NKAIN3: variants seen among roughly 807,000 people sequenced by gnomAD.
NKAIN3 encodes sodium/potassium-transporting ATPase subunit beta-1-interacting protein 3.
A neutral mutation model predicts 30.2 loss-of-function variants in NKAIN3; 25 were observed. The ratio of observed to expected loss-of-function variants is 0.83; its 90% confidence interval spans 0.60 to 1.16. The LOEUF is 1.16. Among genes scored for constraint, NKAIN3 ranks in the 50% most tolerant of loss-of-function variants. NKAIN3 has a pLI of 0.00. For synonymous variants in NKAIN3, 91 were observed against 89.6 expected, an observed-to-expected ratio of 1.02 and a Z score of -0.09; for missense variants, 225 against 254.1, an observed-to-expected ratio of 0.89 and a Z score of 0.78.
At chr8:62,528,311 AT>A (rs1364847492) in intron 1 of NKAIN3, among the ~76,000 whole-genome samples, 12 of 96,540 alleles carry the variant, frequency 1.2e-4, no homozygotes, top group Admixed American at 2.6e-4. Flanking sequence ...TATATTATAT[AT>A]ATATATTATA....
intron 3 of NKAIN3, among the ~76,000 whole-genome samples, chr8:62,727,017 T>C (rs914122986): frequency 6.6e-6 from 1 of 152,082 alleles, no homozygotes; most frequent in African/African-American, 2.4e-5. Flanking sequence ...CCAAGTGGGA[T>C]TTATTGCATG....
chr8:62,838,153 A>G (rs28505837), intron 4 of NKAIN3, among the ~76,000 whole-genome samples: 4,166 of 101,976 alleles, frequency 0.041, 168 homozygotes, highest in African/African-American at 0.13. Flanking sequence ...GTGTGTGTGT[A>G]TATAAAATGA....
intron 3 of NKAIN3, among the ~76,000 whole-genome samples, chr8:62,708,420 T>G (rs1355586099): frequency 6.6e-6 from 1 of 152,168 alleles, no homozygotes; most frequent in Non-Finnish European, 1.5e-5. Flanking sequence ...TTTGTAATTT[T>G]CTTCATAGAA....
intron 5 of NKAIN3, among the ~76,000 whole-genome samples, chr8:62,952,127 G>A (rs1351381027): frequency 1.3e-5 from 2 of 152,010 alleles, no homozygotes; most frequent in Non-Finnish European, 2.9e-5. Flanking sequence ...TGTTCATTCT[G>A]TCCAAGGTAA....
At chr8:62,548,982 A>G (rs1313235202) in intron 1 of NKAIN3, among the ~76,000 whole-genome samples, 1 of 152,176 alleles carries the variant, frequency 6.6e-6, no homozygotes, top group Non-Finnish European at 1.5e-5. Flanking sequence ...ATCATTAGGT[A>G]TCATTCTTGC....
At chr8:62,713,630 C>T (rs1266999799) in intron 3 of NKAIN3, among the ~76,000 whole-genome samples, 1 of 152,096 alleles carries the variant, frequency 6.6e-6, no homozygotes, top group African/African-American at 2.4e-5. Flanking sequence ...AACTGGACAT[C>T]ATTCAATTAG....
intron 1 of NKAIN3, among the ~76,000 whole-genome samples, chr8:62,525,687 C>T (rs908624261): frequency 2.0e-5 from 3 of 152,124 alleles, no homozygotes; most frequent in Non-Finnish European, 4.4e-5. Context: ...TCTGGGCATA[C>T]TCAGCTTATA....
chr8:62,302,321 G>A (rs2129588036), intron 1 of NKAIN3, among the ~76,000 whole-genome samples: 1 of 152,068 alleles, frequency 6.6e-6, no homozygotes, highest in South Asian at 2.1e-4. Context: ...CCTCAGCTGG[G>A]TTCTGCACTT....
chr8:62,968,119 C>T lies in NKAIN3; in HGVS notation c.*2712C>T, dbSNP rs559230906. On this transcript the variant is annotated 3_prime_UTR_variant, in exon 7 of 7. Transcript: ENST00000623646. ...CCTAACATTCTGGATATTTGCCACT[C>T]ATCAGAAACAAGTTAGATTGATCTG... is the stretch of plus-strand genomic sequence containing the variant. Among the ~76,000 whole-genome samples the T allele has an allele frequency of 2.0e-5, 3 of 152,206 alleles. No homozygotes were observed. The highest frequency in any genetic ancestry group is 7.2e-5 in the African/African-American group (3 of 41,454).
intron 3 of NKAIN3, among the ~76,000 whole-genome samples, chr8:62,720,677 A>G (rs921016190): frequency 1.3e-5 from 2 of 152,228 alleles, no homozygotes; most frequent in Non-Finnish European, 2.9e-5. Flanking sequence ...TCCAAAGGCA[A>G]TGATGACTGA....
chr8:62,341,919 T>C (rs1298122409), intron 1 of NKAIN3, among the ~76,000 whole-genome samples: 1 of 152,130 alleles, frequency 6.6e-6, no homozygotes, highest in East Asian at 1.9e-4. Flanking sequence ...CTTTTCTCTG[T>C]GCTTTTGTAT....
At chr8:62,670,920 C>CACACACACAG (rs58361619) in intron 3 of NKAIN3, among the ~76,000 whole-genome samples, 1 of 146,752 alleles carries the variant, frequency 6.8e-6, no homozygotes, top group African/African-American at 2.6e-5. Flanking sequence ...CACACACACA[C>CACACACACAG]GTATACACAG....
chr8:62,341,329 C>A (rs561971257), intron 1 of NKAIN3, among the ~76,000 whole-genome samples: 1 of 152,044 alleles, frequency 6.6e-6, no homozygotes, highest in Admixed American at 6.6e-5. Context: ...ATATGAGTTC[C>A]CATACTGTTG....
At chr8:62,389,312 ATATC>A (rs1817518895) in intron 1 of NKAIN3, among the ~76,000 whole-genome samples, 1 of 152,220 alleles carries the variant, frequency 6.6e-6, no homozygotes, top group African/African-American at 2.4e-5. Flanking sequence ...ATCGCCTCAA[ATATC>A]TATCATTTAT....
intron 3 of NKAIN3, among the ~76,000 whole-genome samples, chr8:62,691,283 A>G (rs1171845048): frequency 6.6e-6 from 1 of 152,092 alleles, no homozygotes; most frequent in Non-Finnish European, 1.5e-5. Flanking sequence ...AGGATCTTAA[A>G]TGCCTGTGCT....
At chr8:62,270,073 A>G (rs1368955003) in intron 1 of NKAIN3, among the ~76,000 whole-genome samples, 1 of 151,628 alleles carries the variant, frequency 6.6e-6, no homozygotes, top group African/African-American at 2.4e-5. Context: ...TTTGTAACTC[A>G]GATCACAGAG....
intron 4 of NKAIN3, among the ~76,000 whole-genome samples, chr8:62,866,928 G>A (rs1235583256): frequency 1.3e-5 from 2 of 151,402 alleles, no homozygotes; most frequent in South Asian, 2.1e-4. Flanking sequence ...GGTGGCGGGT[G>A]CCTGTAGACC....
intron 1 of NKAIN3, among the ~76,000 whole-genome samples, chr8:62,320,429 G>A (rs1221442838): frequency 3.3e-5 from 5 of 152,134 alleles, no homozygotes; most frequent in East Asian, 1.9e-4. Context: ...TCCTAGCCTC[G>A]ATGGTCTTTA....
At chr8:62,634,863 G>A (rs1018021951) in intron 3 of NKAIN3, among the ~76,000 whole-genome samples, 1 of 152,100 alleles carries the variant, frequency 6.6e-6, no homozygotes, top group Admixed American at 6.6e-5. Context: ...CATGGAGAGA[G>A]AAGAGAAAAG....
Sources: allele counts gnomAD v4.1 joint callset (sites outside exome capture counted in the v4.1 genomes callset), GRCh38; gene constraint gnomAD v4.1.1; transcripts MANE v1.5; gene names NCBI Gene and HGNC (gene_info 2026-07-23, HGNC 2026-07-21).